MAST4: variants seen among roughly 807,000 people sequenced by gnomAD.
MAST4 encodes the protein microtubule associated serine/threonine kinase family member 4.
In MAST4, 89 loss-of-function variants were observed where a neutral mutation model predicts 162.7. The ratio of observed to expected loss-of-function variants is 0.55; its 90% CI spans 0.46 to 0.65. MAST4 has a LOEUF of 0.65. Among genes scored for constraint, MAST4 ranks in the 30% least tolerant of loss-of-function variants. The pLI is 0.00. For missense variants in MAST4, 3,153 were observed against 3,374.0 expected (o/e 0.93, Z 1.62); for synonymous variants, 1,479 against 1,361.1 (o/e 1.09, Z -1.91).
At chr5:66,910,373 A>C (rs1302203247) in intron 4 of MAST4, among the ~76,000 whole-genome samples, 1 of 152,132 alleles carries the variant, frequency 6.6e-6, no homozygotes, top group Non-Finnish European at 1.5e-5. Flanking sequence ...AAATATATTC[A>C]TTATCCAATT....
chr5:66,744,917 G>C (rs546455891), intron 1 of MAST4, among the ~76,000 whole-genome samples: 1 of 152,080 alleles, frequency 6.6e-6, no homozygotes, highest in Non-Finnish European at 1.5e-5. Flanking sequence ...TTTTGGCTTC[G>C]ATGCATGTTA....
intron 3 of MAST4, among the ~76,000 whole-genome samples, chr5:66,827,470 G>A (rs1206973089): frequency 6.6e-6 from 1 of 152,202 alleles, no homozygotes; most frequent in Non-Finnish European, 1.5e-5. Flanking sequence ...ATTTTCCTCA[G>A]TGGTTAGATT....
At chr5:67,079,414 A>G (rs192439752) in intron 5 of MAST4, among the ~76,000 whole-genome samples, 72 of 152,258 alleles carry the variant, frequency 4.7e-4, no homozygotes, top group Admixed American at 6.5e-4. Flanking sequence ...TTATACACAT[A>G]TGCTTGTGAA....
intron 5 of MAST4, among the ~76,000 whole-genome samples, chr5:67,086,453 G>C (rs1763242307): frequency 6.6e-6 from 1 of 152,274 alleles, no homozygotes; most frequent in East Asian, 1.9e-4. Flanking sequence ...GTGCCGTTAG[G>C]TAAAGTATGT....
At chr5:66,855,950 C>T (rs1050296482) in intron 3 of MAST4, among the ~76,000 whole-genome samples, 2 of 152,034 alleles carry the variant, frequency 1.3e-5, no homozygotes, top group Non-Finnish European at 2.9e-5. Context: ...TCACTTGATC[C>T]CAGGAGTTTG....
At chr5:66,924,472 C>T (rs961651001) in intron 4 of MAST4, among the ~76,000 whole-genome samples, 1 of 151,638 alleles carries the variant, frequency 6.6e-6, no homozygotes, top group African/African-American at 2.4e-5. Context: ...CGGCTCGCTG[C>T]AAGCTCCGCC....
At chr5:66,626,017 AT>A (rs540199715) in intron 1 of MAST4, among the ~76,000 whole-genome samples, 1 of 152,218 alleles carries the variant, frequency 6.6e-6, no homozygotes, top group Non-Finnish European at 1.5e-5. Flanking sequence ...GCTAAGCAAA[AT>A]GAGACACAGA....
At position 66,762,466 on chromosome 5, in the gene MAST4, G is replaced by C. The variant is rs2149617401; in HGVS notation, c.517+2604G>C. On this transcript the variant is annotated intron_variant, in intron 2 of 28. Transcript: ENST00000403625. ...ATTTGGGGGGATTTGGAGTTGATGG[G>C]TGGCATGGGCTCATGGAAATGAGTT... 1.3e-5 allele frequency among the ~76,000 whole-genome samples: 2 copies of C among 152,290 alleles called. 1 individual carries two copies. The highest frequency in any genetic ancestry group is 4.1e-4 in the South Asian group (2 of 4,822).
chr5:67,144,832 G>A (rs1770867992), intron 22 of MAST4, 36 bp downstream of exon 22: 19 of 1,558,582 alleles, frequency 1.2e-5, no homozygotes, highest in South Asian at 7.1e-5. Flanking sequence ...ATAAGCAGTA[G>A]CTACTAGAGC....
At chr5:66,700,064 G>GCT (rs2149509377) in intron 1 of MAST4, among the ~76,000 whole-genome samples, 1 of 152,226 alleles carries the variant, frequency 6.6e-6, no homozygotes, top group South Asian at 2.1e-4. Context: ...GGTGTTGACT[G>GCT]CAGCCCAGTG....
intron 1 of MAST4, among the ~76,000 whole-genome samples, chr5:66,671,028 A>T (rs1021045673): frequency 2.0e-5 from 3 of 151,986 alleles, no homozygotes; most frequent in African/African-American, 4.8e-5. Context: ...ACCATGCATT[A>T]GTTTTTTCTT....
intron 4 of MAST4, among the ~76,000 whole-genome samples, chr5:66,946,502 A>G (rs1373105394): frequency 2.0e-5 from 3 of 152,168 alleles, no homozygotes; most frequent in South Asian, 2.1e-4. Flanking sequence ...TTCAAAATGT[A>G]TTGCTGACAG....
chr5:67,026,642 ATTGACTCTTC>A (rs1482951073), intron 4 of MAST4, among the ~76,000 whole-genome samples: 1 of 128,046 alleles, frequency 7.8e-6, no homozygotes, highest in Non-Finnish European at 1.6e-5. Context: ...AATACATTTT[ATTGACTCTTC>A]TAGGGTTTCA....
At chr5:67,081,546 G>A (rs1248444333) in intron 5 of MAST4, among the ~76,000 whole-genome samples, 2 of 152,030 alleles carry the variant, frequency 1.3e-5, no homozygotes, top group African/African-American at 4.8e-5. Context: ...ACAAGTGGAA[G>A]CTTAGAACAT....
intron 4 of MAST4, chr5:66,916,832 G>A (rs1381095917): frequency 3.5e-6 from 2 of 572,574 alleles, no homozygotes; most frequent in African/African-American, 1.9e-5. Context: ...CTACATTATA[G>A]ATATACCACA....
intron 1 of MAST4, among the ~76,000 whole-genome samples, chr5:66,660,420 T>G (rs903320737): frequency 2.6e-5 from 4 of 152,190 alleles, no homozygotes; most frequent in African/African-American, 7.2e-5. Flanking sequence ...CATAGAGATG[T>G]GGTTCACTGC....
intron 4 of MAST4, among the ~76,000 whole-genome samples, chr5:67,030,564 G>GTCC (rs1408592122): frequency 2.1e-4 from 32 of 152,242 alleles, no homozygotes; most frequent in Middle Eastern, 3.4e-3. Context: ...GGGCAAATTG[G>GTCC]TCAGAGTCCT....
At chr5:67,004,126 A>T (rs952827679) in intron 4 of MAST4, among the ~76,000 whole-genome samples, 1 of 152,102 alleles carries the variant, frequency 6.6e-6, no homozygotes, top group Non-Finnish European at 1.5e-5. Flanking sequence ...TATTTCCGGG[A>T]CGGATCCATT....
At chr5:66,646,544 A>G (rs12517640) in intron 1 of MAST4, among the ~76,000 whole-genome samples, 27,120 of 152,204 alleles carry the variant, frequency 0.18, 2,963 homozygotes, top group Admixed American at 0.32. Context: ...TAAACCTAAT[A>G]TAATTTTTCC....
Sources: allele counts gnomAD v4.1 joint callset (sites outside exome capture counted in the v4.1 genomes callset), GRCh38; gene constraint gnomAD v4.1.1; transcripts MANE v1.5; gene names NCBI Gene and HGNC (gene_info 2026-07-23, HGNC 2026-07-21).